PTPRK: variants seen among roughly 807,000 people sequenced by gnomAD.
The protein encoded by PTPRK is protein tyrosine phosphatase receptor type K, also known as receptor-type tyrosine-protein phosphatase kappa.
A neutral mutation model predicts 178.0 loss-of-function variants in PTPRK; 75 were observed. The observed-to-expected ratio is 0.42, with a 90% CI of 0.35 to 0.51. The LOEUF (loss-of-function observed/expected upper bound fraction) is 0.51. Ranked by LOEUF, PTPRK falls within the 20% of genes least tolerant of loss-of-function variation. The pLI is 0.02. For synonymous variants in PTPRK, 637 were observed against 620.6 expected (o/e 1.03, Z -0.39); for missense variants, 1,441 against 1,797.8 (o/e 0.80, Z 3.59).
intron 2 of PTPRK, among the ~76,000 whole-genome samples, chr6:128,395,347 G>A (rs1319557821): frequency 2.6e-5 from 4 of 152,042 alleles, no homozygotes; most frequent in Non-Finnish European, 4.4e-5. Context: ...GGAAGATATG[G>A]CTGAATTTCA....
At chr6:128,059,687 C>G (rs1780496483) in intron 13 of PTPRK, among the ~76,000 whole-genome samples, 2 of 152,126 alleles carry the variant, frequency 1.3e-5, no homozygotes, top group African/African-American at 2.4e-5. Flanking sequence ...ATGTAAGGTA[C>G]CTGCAACAGG....
chr6:128,086,579 A>G (rs1344152509), intron 8 of PTPRK, among the ~76,000 whole-genome samples: 2 of 152,194 alleles, frequency 1.3e-5, no homozygotes, highest in East Asian at 1.9e-4. Context: ...TTCTTTTTCT[A>G]TGTATACAGG....
chr6:128,480,562 T>C (rs981691885), intron 1 of PTPRK, among the ~76,000 whole-genome samples: 2 of 152,176 alleles, frequency 1.3e-5, no homozygotes, highest in Non-Finnish European at 2.9e-5. Flanking sequence ...AGTTAGTCCC[T>C]AGCTCATCCA....
At chr6:128,449,605 A>T (rs555047970) in intron 1 of PTPRK, among the ~76,000 whole-genome samples, 5 of 151,638 alleles carry the variant, frequency 3.3e-5, no homozygotes, top group Non-Finnish European at 5.9e-5. Flanking sequence ...AAAAACAATG[A>T]TTTTTTTTTC....
At chr6:128,140,251 C>G (rs1032630747) in intron 7 of PTPRK, among the ~76,000 whole-genome samples, 11 of 151,924 alleles carry the variant, frequency 7.2e-5, no homozygotes, top group Admixed American at 7.2e-4. Context: ...GTCAGATCAA[C>G]AAATTAAGGA....
chr6:128,366,977 G>A (rs1219879671), intron 2 of PTPRK, among the ~76,000 whole-genome samples: 1 of 152,076 alleles, frequency 6.6e-6, no homozygotes, highest in Non-Finnish European at 1.5e-5. Context: ...CATAGAAACA[G>A]GCTCCCAACA....
At chr6:128,038,055 A>G (rs1465353154) in intron 13 of PTPRK, among the ~76,000 whole-genome samples, 1 of 152,228 alleles carries the variant, frequency 6.6e-6, no homozygotes, top group Non-Finnish European at 1.5e-5. Flanking sequence ...AATGTGAGAA[A>G]CAGGCATCAT....
At chr6:128,429,037 G>T (rs1007057048) in intron 1 of PTPRK, among the ~76,000 whole-genome samples, 3 of 152,152 alleles carry the variant, frequency 2.0e-5, no homozygotes, top group African/African-American at 4.8e-5. Flanking sequence ...TTTATGATAG[G>T]TTTATCGGGA....
At chr6:128,170,427 G>A (rs1320881254) in intron 7 of PTPRK, among the ~76,000 whole-genome samples, 1 of 151,928 alleles carries the variant, frequency 6.6e-6, no homozygotes, top group African/African-American at 2.4e-5. Flanking sequence ...CTCATGACAT[G>A]GGTAATTCCT....
At chr6:128,192,411 T>C (rs1404277805) in intron 6 of PTPRK, among the ~76,000 whole-genome samples, 1 of 152,148 alleles carries the variant, frequency 6.6e-6, no homozygotes, top group East Asian at 1.9e-4. Context: ...AACATTCTCA[T>C]CATTACATTC....
At position 128,242,539 on chromosome 6, in the gene PTPRK, C is replaced by G. The variant is rs776229528; in HGVS notation, c.559G>C (p.Val187Leu). 6.2e-7 allele frequency: 1 copy of G among 1,613,048 alleles called. No homozygotes were observed. The highest frequency in any genetic ancestry group is 2.2e-5 in the East Asian group (1 of 44,716). ...AACCTACCACAAGGATAACTCAGTA[C>G]TTGGATGTCATCAATGGCAATATAA... ...SGYIAIDDIQ[V>L]LSYPCDKSPH... The change falls in exon 4 of 30, where the codon GTA (valine) becomes CTA (leucine). Residue 187 changes from valine to leucine, a missense_variant. Physicochemically the swap from Val to Leu is conservative, Grantham distance 32. Around this residue, in one of 4 missense-constraint regions of PTPRK, gnomAD observed 945 missense variants for 1,080.6 expected, o/e 0.87. Coordinates refer to ENST00000368226, the MANE Select transcript of PTPRK (RefSeq NM_002844.4).
At chr6:128,405,136 AAGCCT>A (rs770911197) in intron 1 of PTPRK, among the ~76,000 whole-genome samples, 1 of 152,186 alleles carries the variant, frequency 6.6e-6, no homozygotes, top group Non-Finnish European at 1.5e-5. Context: ...AAAGCTATAA[AAGCCT>A]AGCTAATTAA....
chr6:128,387,605 A>G (rs1481970564), intron 2 of PTPRK, among the ~76,000 whole-genome samples: 1 of 152,188 alleles, frequency 6.6e-6, no homozygotes, highest in Non-Finnish European at 1.5e-5. Context: ...TCTTTAGCAT[A>G]CACTCACATA....
At chr6:128,174,651 A>C (rs1441166176) in intron 7 of PTPRK, among the ~76,000 whole-genome samples, 1 of 151,932 alleles carries the variant, frequency 6.6e-6, no homozygotes, top group Non-Finnish European at 1.5e-5. Context: ...ATAGCTCAAA[A>C]GTATCAAATT....
In PTPRK at chr6:128,520,403, G is replaced by A. The variant is rs143665863; in HGVS notation, c.-45C>T. ...TCAAGCAGCTTTGCAAAGAGCTGCC[G>A]GGGGGATCGCCGCGAAATCCACGAC... On this transcript the variant is annotated 5_prime_UTR_variant, in exon 1 of 30. Coordinates refer to ENST00000368226, the MANE Select transcript of PTPRK (RefSeq NM_002844.4). 292 of 1,537,874 alleles carry A rather than the reference G, an allele frequency of 1.9e-4. No individual in the cohort carries two copies. The highest frequency in any genetic ancestry group is 2.5e-4 in the Non-Finnish European group (281 of 1,131,162).
chr6:128,014,700 T>C (rs1031450334), intron 13 of PTPRK, among the ~76,000 whole-genome samples: 8 of 151,620 alleles, frequency 5.3e-5, no homozygotes, highest in African/African-American at 1.2e-4. Context: ...GCCTATTATA[T>C]AAATATACAA....
intron 13 of PTPRK, among the ~76,000 whole-genome samples, chr6:128,044,119 G>T (rs896629950): frequency 3.3e-5 from 5 of 152,086 alleles, no homozygotes; most frequent in Non-Finnish European, 7.4e-5. Context: ...ATCTGGGAAA[G>T]AAGTCATAGA....
intron 1 of PTPRK, among the ~76,000 whole-genome samples, chr6:128,427,504 T>C (rs1413273403): frequency 1.3e-5 from 2 of 152,180 alleles, no homozygotes; most frequent in African/African-American, 4.8e-5. Flanking sequence ...TGCCACAATA[T>C]CAGAAAGCAA....
At chr6:128,504,403 T>C (rs555121554) in intron 1 of PTPRK, among the ~76,000 whole-genome samples, 1 of 152,288 alleles carries the variant, frequency 6.6e-6, no homozygotes, top group Non-Finnish European at 1.5e-5. Flanking sequence ...TTTCAGCCAA[T>C]GGTGTGCCAA....
Sources: gnomAD v4.1 joint callset for allele counts (sites outside exome capture counted in the v4.1 genomes callset) on GRCh38, gnomAD v4.1.1 for gene constraint, gnomAD v4.1.1 regional missense constraint, MANE v1.5 for transcripts, NCBI Gene and HGNC (gene_info 2026-07-23, HGNC 2026-07-21) for gene names.